SLC6A11: variants seen among roughly 807,000 people sequenced by gnomAD.
SLC6A11 encodes the protein solute carrier family 6 member 11.
SLC6A11 carries 25 observed loss-of-function variants against 74.8 expected under a neutral mutation model. That is an observed-to-expected ratio of 0.33 (90% confidence interval 0.24 to 0.47). The LOEUF (loss-of-function observed/expected upper bound fraction) is 0.47, where lower values mean the gene tolerates loss of function less well. Among genes scored for constraint, SLC6A11 ranks in the 20% least tolerant of loss-of-function variants. The pLI is 1.00. For missense variants in SLC6A11, 574 were observed against 837.0 expected (o/e 0.69, Z 3.88); for synonymous variants, 330 against 330.2 (o/e 1.00, Z 0.01).
intron 4 of SLC6A11, among the ~76,000 whole-genome samples, chr3:10,841,180 G>A (rs970477584): frequency 2.0e-5 from 3 of 152,150 alleles, no homozygotes; most frequent in African/African-American, 4.8e-5. Context: ...AGCATTTCCC[G>A]CTCCCTGAAC....
chr3:10,921,789 T>C (rs1695540639), intron 8 of SLC6A11, among the ~76,000 whole-genome samples: 1 of 152,120 alleles, frequency 6.6e-6, no homozygotes, highest in Admixed American at 6.5e-5. Context: ...TGGGAAAAGA[T>C]ATACCATTCA....
At chr3:10,851,578 G>C (rs191019772) in intron 5 of SLC6A11, among the ~76,000 whole-genome samples, 4 of 152,336 alleles carry the variant, frequency 2.6e-5, no homozygotes, top group Admixed American at 6.5e-5. Flanking sequence ...TCATTGCAAG[G>C]CCAAGGCCTG....
At chr3:10,910,100 G>A (rs1695366931) in intron 6 of SLC6A11, among the ~76,000 whole-genome samples, 1 of 152,102 alleles carries the variant, frequency 6.6e-6, no homozygotes, top group East Asian at 1.9e-4. Context: ...TGCACTTCAT[G>A]AAAAAGCTCT....
intron 5 of SLC6A11, among the ~76,000 whole-genome samples, chr3:10,854,985 A>C (rs1324553761): frequency 6.6e-6 from 1 of 151,604 alleles, no homozygotes; most frequent in Non-Finnish European, 1.5e-5. Context: ...GGGTAAGTCG[A>C]TGGATGGGTG....
intron 11 of SLC6A11, 74 bp from the exon 12 acceptor site, chr3:10,933,992 C>G (rs1695724309): frequency 1.0e-6 from 1 of 981,704 alleles, no homozygotes; most frequent in African/African-American, 1.6e-5. Flanking sequence ...AGCAAACACT[C>G]CTAGCCATTC....
Position 10,820,065 on chromosome 3 carries a change from A to G in SLC6A11, c.532+213A>G, listed in dbSNP as rs573480275. 5.9e-5 allele frequency among the ~76,000 whole-genome samples: 9 copies of G among 152,308 alleles called. No homozygotes were observed. In the South Asian group the frequency reaches 1.9e-3, roughly 32 times the overall value. Reference sequence around the variant, plus strand: ...GCCTGAGCTGAGCATTGGCCCAGAGACTGGCATGGTTAGGAGAATGGAGAT... The same window carrying G: ...GCCTGAGCTGAGCATTGGCCCAGAGGCTGGCATGGTTAGGAGAATGGAGAT... On this transcript the variant is annotated intron_variant, in intron 3 of 13. Transcript: ENST00000254488.
At chr3:10,867,550 G>A (rs375414623) in intron 5 of SLC6A11, among the ~76,000 whole-genome samples, 2 of 152,208 alleles carry the variant, frequency 1.3e-5, no homozygotes, top group African/African-American at 2.4e-5. Context: ...ACCCAAATCC[G>A]TGTCAGGACC....
At chr3:10,864,934 G>C (rs9851830) in intron 5 of SLC6A11, among the ~76,000 whole-genome samples, 5,358 of 152,240 alleles carry the variant, frequency 0.035, 309 homozygotes, top group African/African-American at 0.12. Flanking sequence ...TTCCACTGCT[G>C]CCCCCATCTA....
At chr3:10,830,827 A>C (rs1387541771) in intron 4 of SLC6A11, among the ~76,000 whole-genome samples, 2 of 152,144 alleles carry the variant, frequency 1.3e-5, no homozygotes, top group African/African-American at 4.8e-5. Flanking sequence ...ATTCTGTGGG[A>C]TGCCTGCAAA....
rs573667134 is a variant in SLC6A11 at position 10,846,261 on chromosome 3, C to A, written c.756+1915C>A. ...TTTCTAAAGATGAGTAAAACACAGC[C>A]TCTTCCCTACCCAGACAATACATGA... On this transcript the variant is annotated intron_variant, in intron 5 of 13. Coordinates refer to ENST00000254488, the MANE Select transcript of SLC6A11 (RefSeq NM_014229.3). Among the ~76,000 whole-genome samples the A allele has an allele frequency of 2.0e-5, 3 of 152,328 alleles. No homozygotes were observed. The South Asian group carries it at 6.2e-4, about 32-fold the overall frequency.
intron 3 of SLC6A11, 101 bp downstream of exon 3, chr3:10,819,953 A>G: frequency 1.6e-6 from 2 of 1,268,618 alleles, no homozygotes; most frequent in Non-Finnish European, 2.2e-6. Context: ...GCCTCTCGTC[A>G]TGAGTCCAGT....
rs2697155 is a variant in SLC6A11 at position 10,915,886 on chromosome 3, G to C, written c.996-2443G>C. ...ATGCCCAGAGACAATTTTTTAAAGT[G>C]AGGATTTGTTCATCTTAATTTTTAG... On this transcript the variant is annotated intron_variant, in intron 7 of 13. Coordinates refer to ENST00000254488, the MANE Select transcript of SLC6A11 (RefSeq NM_014229.3). The surrounding 1 kb of genome is among the most constrained non-coding windows in gnomAD (Gnocchi z 4.3). Among the ~76,000 whole-genome samples, 65,980 of 152,038 alleles carry C rather than the reference G, an allele frequency of 0.43. 14,757 individuals carry two copies. The highest frequency in any genetic ancestry group is 0.64 in the East Asian group (3,282 of 5,164).
intron 6 of SLC6A11, among the ~76,000 whole-genome samples, chr3:10,896,915 G>C (rs180810892): frequency 6.6e-6 from 1 of 152,150 alleles, no homozygotes; most frequent in East Asian, 1.9e-4. Flanking sequence ...ACACATACCC[G>C]AGACTGGACA....
chr3:10,880,999 G>A (rs577916887), intron 6 of SLC6A11, among the ~76,000 whole-genome samples: 1 of 152,178 alleles, frequency 6.6e-6, no homozygotes, highest in Non-Finnish European at 1.5e-5. Flanking sequence ...GGTTGGATGA[G>A]ACCAGAAGTT....
intron 6 of SLC6A11, among the ~76,000 whole-genome samples, chr3:10,880,887 ATGAG>A (rs1694967829): frequency 6.6e-6 from 1 of 152,182 alleles, no homozygotes. Flanking sequence ...AGCATGTAGA[ATGAG>A]TAAGAGCCTC....
chr3:10,916,072 CA>C (rs1344137834), intron 7 of SLC6A11, among the ~76,000 whole-genome samples: 1 of 152,160 alleles, frequency 6.6e-6, no homozygotes, highest in East Asian at 1.9e-4. Context: ...AGGCTGTAGA[CA>C]AAGGCTTTCC....
intron 4 of SLC6A11, among the ~76,000 whole-genome samples, chr3:10,840,930 A>T (rs1380751721): frequency 6.6e-6 from 1 of 152,076 alleles, no homozygotes; most frequent in African/African-American, 2.4e-5. Context: ...CATTATTCCC[A>T]TTTTACAGAT....
At chr3:10,934,918 A>G (rs985654070) in intron 12 of SLC6A11, 111 bp from the exon 13 acceptor site, 13 of 926,592 alleles carry the variant, frequency 1.4e-5, no homozygotes, top group Non-Finnish European at 2.0e-5. Context: ...AAACAGGGCC[A>G]GCTTCCTCCC....
intron 5 of SLC6A11, among the ~76,000 whole-genome samples, chr3:10,867,047 T>G (rs1176168922): frequency 6.6e-6 from 1 of 152,072 alleles, no homozygotes; most frequent in African/African-American, 2.4e-5. Flanking sequence ...TGTCTAGGGA[T>G]TGGATGTTCA....
Sources: gnomAD v4.1 joint callset for allele counts (sites outside exome capture counted in the v4.1 genomes callset) on GRCh38, gnomAD v4.1.1 for gene constraint, Gnocchi (gnomAD v3.1) non-coding constraint, MANE v1.5 for transcripts, NCBI Gene and HGNC (gene_info 2026-07-23, HGNC 2026-07-21) for gene names.